Variants in ZFHX3 observed in about 807,000 individuals in gnomAD.
ZFHX3 encodes zinc finger homeobox 3.
ZFHX3 carries 42 observed loss-of-function variants against 279.1 expected under a neutral mutation model. The observed-to-expected ratio is 0.15, with a 90% CI of 0.12 to 0.19. ZFHX3 has a LOEUF of 0.19. Ranked by LOEUF, ZFHX3 falls within the 10% of genes least tolerant of loss-of-function variation. The pLI is 1.00. For synonymous variants in ZFHX3, 2,293 were observed against 1,957.8 expected, an observed-to-expected ratio of 1.17 and a Z score of -4.52; for missense variants, 4,981 against 4,754.0, an observed-to-expected ratio of 1.05 and a Z score of -1.40.
intron 3 of ZFHX3, among the ~76,000 whole-genome samples, chr16:73,453,162 G>A (rs576913458): frequency 2.6e-5 from 4 of 152,016 alleles, no homozygotes; most frequent in Admixed American, 2.6e-4. Flanking sequence ...TACAATAAAT[G>A]TGTGTTGACT....
At chr16:73,085,899 C>T (rs1478638352) in intron 8 of ZFHX3, among the ~76,000 whole-genome samples, 7 of 137,440 alleles carry the variant, frequency 5.1e-5, no homozygotes, top group Middle Eastern at 4.2e-3. Flanking sequence ...AAACAACCTA[C>T]AAGAATGGGG....
At chr16:72,922,578 A>G (rs2039610496) in intron 3 of ZFHX3, among the ~76,000 whole-genome samples, 1 of 152,204 alleles carries the variant, frequency 6.6e-6, no homozygotes, top group Non-Finnish European at 1.5e-5. Context: ...CCCAGGGACC[A>G]TGGTGACAGC....
intron 5 of ZFHX3, among the ~76,000 whole-genome samples, chr16:73,167,693 A>G (rs1208684656): frequency 6.6e-6 from 1 of 152,246 alleles, no homozygotes; most frequent in Non-Finnish European, 1.5e-5. Flanking sequence ...GGAACTTGTC[A>G]CCAGCTCAGG....
chr16:73,475,153 C>G (rs1427299192), intron 2 of ZFHX3, among the ~76,000 whole-genome samples: 1 of 152,152 alleles, frequency 6.6e-6, no homozygotes, highest in African/African-American at 2.4e-5. Flanking sequence ...ATAGGGAGGC[C>G]ACTCTCACAT....
intron 2 of ZFHX3, among the ~76,000 whole-genome samples, chr16:73,540,974 G>T (rs1033329272): frequency 1.3e-5 from 2 of 152,026 alleles, no homozygotes; most frequent in Non-Finnish European, 2.9e-5. Context: ...AGATGGTAGG[G>T]GTCATCTCAG....
At chr16:72,839,465 C>T (rs1315129491) in intron 4 of ZFHX3, among the ~76,000 whole-genome samples, 1 of 152,134 alleles carries the variant, frequency 6.6e-6, no homozygotes, top group Non-Finnish European at 1.5e-5. Context: ...AAAGAAGGGG[C>T]ATGCAAAATA....
chr16:72,797,408 C>T lies in ZFHX3; in HGVS notation c.5274G>A (p.Gln1758=), dbSNP rs2035946968. The T allele has an allele frequency of 6.8e-6, 11 of 1,611,056 alleles. No homozygotes were observed. Among genetic ancestry groups the T allele is most frequent in the Non-Finnish European group, 9.3e-6 (11 of 1,178,654 alleles). The change falls in exon 9 of 10, where the codon CAG becomes CAA. Residue 1758 remains glutamine, a synonymous_variant. Coordinates refer to ENST00000268489, the MANE Select transcript of ZFHX3 (RefSeq NM_006885.4). ...TCAGGGCAGCCTGTTGCTGCAGCTC[C>T]TGCTGCAGGTGAGCTTGAACTTGAG... ...AQAQVQAHLQ[Q]ELQQQAALIQ...
intron 1 of ZFHX3, among the ~76,000 whole-genome samples, chr16:73,878,940 G>GATAT (rs3082335): frequency 0.04 from 5,673 of 140,870 alleles, 144 homozygotes; most frequent in African/African-American, 0.071. Flanking sequence ...AAAAAGATAA[G>GATAT]ATATATATAT....
intron 1 of ZFHX3, among the ~76,000 whole-genome samples, chr16:73,040,296 G>A (rs1371645644): frequency 6.6e-6 from 1 of 152,122 alleles, no homozygotes; most frequent in Non-Finnish European, 1.5e-5. Flanking sequence ...AAGACAGGAA[G>A]AGCGTGGTGC....
At chr16:73,520,575 C>T (rs1387708317) in intron 2 of ZFHX3, among the ~76,000 whole-genome samples, 1 of 152,192 alleles carries the variant, frequency 6.6e-6, no homozygotes, top group Admixed American at 6.5e-5. Flanking sequence ...GGCTCTCTCA[C>T]CACCAAGCCC....
chr16:72,785,437 T>C lies in ZFHX3; in HGVS notation c.*1727A>G, dbSNP rs566348518. 1 of 152,778 alleles carries C rather than the reference T, an allele frequency of 6.5e-6. No individual in the cohort carries two copies. The highest frequency in any genetic ancestry group is 1.9e-4 in the East Asian group (1 of 5,174). The allele number at this position is 152,778 out of a possible 1,614,324, so 9.5% of individuals were successfully genotyped here. A position where few individuals can be genotyped will look rare whatever the true frequency, so the allele number is the denominator to read the frequency against. On this transcript the variant is annotated 3_prime_UTR_variant, in exon 10 of 10. Coordinates refer to ENST00000268489, the MANE Select transcript of ZFHX3 (RefSeq NM_006885.4). Reference sequence around the variant, plus strand: ...AAAATGTGTCTTTTGGTATATGGAATTGTCATTAACATTTGCCTCTCTGCT... The same window carrying C: ...AAAATGTGTCTTTTGGTATATGGAACTGTCATTAACATTTGCCTCTCTGCT...
At chr16:72,902,524 T>C (rs1415587678) in intron 3 of ZFHX3, among the ~76,000 whole-genome samples, 1 of 152,352 alleles carries the variant, frequency 6.6e-6, no homozygotes, top group South Asian at 2.1e-4. Flanking sequence ...CACCCGTCCC[T>C]GGGGACAGAC....
rs10654824 is a variant in ZFHX3 at position 73,778,236 on chromosome 16, T to TAAAAAAAAAAAAA, written c.-1607-98009_-1607-97997dup. ...ACTACCTTTACTGTTGAAGGAGTGT[T>TAAAAAAAAAAAAA]AAAAAAAAAAAAAAAAAAAAAAAAA... On this transcript the variant is annotated intron_variant, in intron 1 of 17. Transcript: ENST00000641206. 5.1e-5 allele frequency among the ~76,000 whole-genome samples: 3 copies of TAAAAAAAAAAAAA among 58,706 alleles called. 1 individual carries two copies. Among genetic ancestry groups the TAAAAAAAAAAAAA allele is most frequent in the African/African-American group, 2.4e-4 (3 of 12,672 alleles). 38.5% of individuals were successfully genotyped at this position (58,706 alleles called of 152,430 possible).
At chr16:73,149,433 C>T (rs1468882943) in intron 5 of ZFHX3, among the ~76,000 whole-genome samples, 1 of 152,046 alleles carries the variant, frequency 6.6e-6, no homozygotes, top group Non-Finnish European at 1.5e-5. Flanking sequence ...TCCCTAATGA[C>T]ATTTCCGCTT....
chr16:73,123,197 G>A (rs1223439045), intron 7 of ZFHX3: 1 of 110,548 alleles, frequency 9.0e-6, no homozygotes, highest in Admixed American at 1.1e-4. Context: ...AGTGTCCCAT[G>A]TGGTAGATTA....
chr16:72,784,544 AAT>A lies in ZFHX3; in HGVS notation c.*2618_*2619del, dbSNP rs142323267. On this transcript the variant is annotated 3_prime_UTR_variant, in exon 10 of 10. Transcript: ENST00000268489. ...AACATACAACAGTTAAATGGCAAAA[AAT>A]ATATATATATATATTTCATAGAGTT... 30 of 150,322 alleles carry A rather than the reference AAT, an allele frequency of 2.0e-4. No homozygotes were observed. The highest frequency in any genetic ancestry group is 2.0e-4 in the African/African-American group (8 of 40,922). The allele number at this position is 150,322 out of a possible 1,614,324, so 9.3% of individuals were successfully genotyped here. A position where few individuals can be genotyped will look rare whatever the true frequency, so the allele number is the denominator to read the frequency against.
intron 4 of ZFHX3, among the ~76,000 whole-genome samples, chr16:73,259,919 C>T (rs1259278246): frequency 6.6e-6 from 1 of 152,168 alleles, no homozygotes; most frequent in Admixed American, 6.5e-5. Context: ...AATACCATTA[C>T]CTAATTTGTA....
intron 2 of ZFHX3, among the ~76,000 whole-genome samples, chr16:72,954,828 G>A (rs1477780061): frequency 6.6e-6 from 1 of 152,190 alleles, no homozygotes; most frequent in Non-Finnish European, 1.5e-5. Flanking sequence ...CCCACAATCA[G>A]TGTCTGTTTG....
chr16:73,880,050 G>A (rs2030092215), intron 1 of ZFHX3, among the ~76,000 whole-genome samples: 3 of 152,260 alleles, frequency 2.0e-5, no homozygotes, highest in South Asian at 4.1e-4. Flanking sequence ...TGGAATCGGC[G>A]TGAATGGGAG....
Sources: gnomAD v4.1 joint callset for allele counts (sites outside exome capture counted in the v4.1 genomes callset) on GRCh38, gnomAD v4.1.1 for gene constraint, MANE v1.5 for transcripts, NCBI Gene and HGNC (gene_info 2026-07-23, HGNC 2026-07-21) for gene names.